Variants in WLS observed in about 807,000 individuals in gnomAD.
WLS encodes the protein protein wntless homolog.
In WLS, 23 loss-of-function variants were observed where a neutral mutation model predicts 62.8. The observed-to-expected ratio is 0.37, with a 90% CI of 0.26 to 0.52. The LOEUF (loss-of-function observed/expected upper bound fraction) is 0.52. Among genes scored for constraint, WLS ranks in the 20% least tolerant of loss-of-function variants. The probability of loss-of-function intolerance (pLI) is 0.92; values close to 1 mark genes in which losing one functional copy is unlikely to be tolerated. For synonymous variants in WLS, 246 were observed against 244.1 expected, an observed-to-expected ratio of 1.01 and a Z score of -0.07; for missense variants, 615 against 697.3, an observed-to-expected ratio of 0.88 and a Z score of 1.33.
intron 11 of WLS, among the ~76,000 whole-genome samples, chr1:68,102,226 T>C (rs763413755): frequency 6.0e-5 from 9 of 148,890 alleles, no homozygotes; most frequent in South Asian, 4.2e-4. Context: ...CTCTGGGGGA[T>C]TGGGAAGTTA....
intron 1 of WLS, among the ~76,000 whole-genome samples, chr1:68,199,585 C>A (rs1479097852): frequency 6.6e-6 from 1 of 152,098 alleles, no homozygotes; most frequent in Non-Finnish European, 1.5e-5. Context: ...GATCATTTAA[C>A]GGTGAAAACT....
chr1:68,176,572 T>G (rs1647268355), intron 2 of WLS, among the ~76,000 whole-genome samples: 1 of 152,214 alleles, frequency 6.6e-6, no homozygotes, highest in Admixed American at 6.5e-5. Context: ...AACTCCAAAT[T>G]TCTTAGCTGG....
chr1:68,159,958 G>A (rs1295786048), intron 2 of WLS, among the ~76,000 whole-genome samples: 4 of 151,680 alleles, frequency 2.6e-5, no homozygotes, highest in Non-Finnish European at 4.4e-5. Flanking sequence ...ACTGGACCAC[G>A]AATGAGTTAA....
intron 2 of WLS, among the ~76,000 whole-genome samples, chr1:68,190,232 A>G (rs541479785): frequency 6.6e-6 from 1 of 152,272 alleles, no homozygotes; most frequent in East Asian, 1.9e-4. Flanking sequence ...CCATGCTCTT[A>G]AAAAACTTTC....
intron 1 of WLS, among the ~76,000 whole-genome samples, chr1:68,209,074 T>G (rs187044564): frequency 1.3e-5 from 2 of 152,328 alleles, no homozygotes; most frequent in East Asian, 3.9e-4. Context: ...CTGGAGGATA[T>G]TTAGCAACAT....
exon 12 of WLS, chr1:68,098,722 A>C: frequency 6.2e-7 from 1 of 1,613,870 alleles, no homozygotes; most frequent in South Asian, 1.1e-5. Flanking sequence ...ACAAAGCACA[A>C]TCTTCCCTCG....
At chr1:68,231,111 G>T (rs1447653939) in intron 1 of WLS, among the ~76,000 whole-genome samples, 4 of 152,376 alleles carry the variant, frequency 2.6e-5, no homozygotes, top group South Asian at 2.1e-4. Flanking sequence ...TTTGTGCCGG[G>T]ATGTCCCAAA....
intron 11 of WLS, among the ~76,000 whole-genome samples, chr1:68,118,279 A>G (rs1479863974): frequency 1.3e-5 from 2 of 152,248 alleles, no homozygotes; most frequent in African/African-American, 4.8e-5. Flanking sequence ...AACATGAAAC[A>G]TGCTCAGTGT....
chr1:68,172,864 G>A (rs1452858491), intron 2 of WLS, among the ~76,000 whole-genome samples: 2 of 152,182 alleles, frequency 1.3e-5, no homozygotes, highest in Non-Finnish European at 2.9e-5. Context: ...GGACTGGAGG[G>A]AACAGGGAAG....
chr1:68,136,270 A>G (rs1646609053), intron 11 of WLS, among the ~76,000 whole-genome samples: 2 of 152,168 alleles, frequency 1.3e-5, no homozygotes, highest in Non-Finnish European at 2.9e-5. Context: ...ACTTCTAAGC[A>G]TTAATTCACT....
intron 8 of WLS, among the ~76,000 whole-genome samples, chr1:68,147,310 A>G (rs1279379857): frequency 3.9e-5 from 6 of 152,212 alleles, no homozygotes; most frequent in African/African-American, 1.4e-4. Flanking sequence ...GGCATAACAG[A>G]GGAAGGGTAG....
At chr1:68,153,948 G>A (rs1188726628) in intron 4 of WLS, among the ~76,000 whole-genome samples, 2 of 152,132 alleles carry the variant, frequency 1.3e-5, no homozygotes, top group Non-Finnish European at 2.9e-5. Flanking sequence ...AGAACATGGG[G>A]CTTTGGGGCA....
intron 1 of WLS, among the ~76,000 whole-genome samples, chr1:68,207,093 C>A (rs986480629): frequency 6.6e-6 from 1 of 152,204 alleles, no homozygotes; most frequent in African/African-American, 2.4e-5. Flanking sequence ...AAAGCAAGGA[C>A]AAGCTACAGC....
At chr1:68,231,627 G>A in intron 1 of WLS, 1 of 408,306 alleles carries the variant, frequency 2.4e-6, no homozygotes, top group South Asian at 1.8e-5. Flanking sequence ...CGGCGGGAAA[G>A]CAGAGGGCGC....
At chr1:68,228,842 C>CAAAAAAAAAAAAAAAAAA (rs66626696) in intron 1 of WLS, among the ~76,000 whole-genome samples, 16 of 58,030 alleles carry the variant, frequency 2.8e-4, no homozygotes, top group Admixed American at 7.1e-4. Flanking sequence ...ACACTGGTGC[C>CAAAAAAAAAAAAAAAAAA]AAAAAAAAAA....
intron 10 of WLS, among the ~76,000 whole-genome samples, chr1:68,144,362 AC>A (rs1417606681): frequency 6.6e-6 from 1 of 152,192 alleles, no homozygotes; most frequent in Non-Finnish European, 1.5e-5. Flanking sequence ...TTATTTGGAA[AC>A]TTTTATCTCC....
At chr1:68,131,088 T>TGTGTG (rs1557462873) in intron 11 of WLS, among the ~76,000 whole-genome samples, 3 of 66,458 alleles carry the variant, frequency 4.5e-5, no homozygotes, top group African/African-American at 1.3e-4. Flanking sequence ...GTGTGTGTGT[T>TGTGTG]TTTAAGTAGA....
intron 2 of WLS, among the ~76,000 whole-genome samples, chr1:68,178,715 A>AAAAAG (rs1428640310): frequency 1.3e-5 from 2 of 151,800 alleles, no homozygotes; most frequent in Non-Finnish European, 2.9e-5. Context: ...CAAAAAAAAA[A>AAAAAG]AAAAGAAAAG....
intron 1 of WLS, among the ~76,000 whole-genome samples, chr1:68,210,384 A>G (rs1452322586): frequency 2.6e-5 from 4 of 152,220 alleles, no homozygotes; most frequent in African/African-American, 9.7e-5. Flanking sequence ...ACTGAAGTGA[A>G]GCATACATTC....
Sources: allele counts gnomAD v4.1 joint callset (sites outside exome capture counted in the v4.1 genomes callset), GRCh38; gene constraint gnomAD v4.1.1; transcripts MANE v1.5; gene names NCBI Gene and HGNC (gene_info 2026-07-23, HGNC 2026-07-21).